NELL1: variants seen among roughly 807,000 people sequenced by gnomAD.
NELL1 encodes protein kinase C-binding protein NELL1.
A neutral mutation model predicts 107.4 loss-of-function variants in NELL1; 76 were observed. That is an observed-to-expected ratio of 0.71 (90% CI 0.59 to 0.86). NELL1 has a LOEUF of 0.86. Ranked by LOEUF, NELL1 falls within the 40% of genes least tolerant of loss-of-function variation. The probability of loss-of-function intolerance (pLI) is 0.00; values close to 1 mark genes in which losing one functional copy is unlikely to be tolerated. For synonymous variants in NELL1, 353 were observed against 341.2 expected, an observed-to-expected ratio of 1.03 and a Z score of -0.38; for missense variants, 1,024 against 1,005.5, an observed-to-expected ratio of 1.02 and a Z score of -0.25.
chr11:21,185,746 C>T (rs1293947568), intron 13 of NELL1, among the ~76,000 whole-genome samples: 1 of 151,792 alleles, frequency 6.6e-6, no homozygotes, highest in Non-Finnish European at 1.5e-5. Flanking sequence ...CAGTGTCTGT[C>T]ATACATAAAT....
chr11:21,108,109 T>C (rs1012445169), intron 12 of NELL1, among the ~76,000 whole-genome samples: 1 of 152,158 alleles, frequency 6.6e-6, no homozygotes, highest in Non-Finnish European at 1.5e-5. Context: ...CTTTCCTTTT[T>C]AAATGTACAC....
chr11:21,198,806 A>T (rs1301492317), intron 13 of NELL1, among the ~76,000 whole-genome samples: 1 of 152,082 alleles, frequency 6.6e-6, no homozygotes, highest in Non-Finnish European at 1.5e-5. Context: ...TAACTCCTAT[A>T]CAATCCTTTC....
intron 4 of NELL1, among the ~76,000 whole-genome samples, chr11:20,853,751 A>T (rs1390808188): frequency 1.3e-5 from 2 of 152,186 alleles, no homozygotes; most frequent in Non-Finnish European, 2.9e-5. Flanking sequence ...TCACTGAACA[A>T]TGTGAGATTT....
chr11:21,238,443 A>G (rs1289930894), intron 14 of NELL1, among the ~76,000 whole-genome samples: 1 of 152,066 alleles, frequency 6.6e-6, no homozygotes, highest in African/African-American at 2.4e-5. Flanking sequence ...ATGCAGTCAT[A>G]TATTGAAGAA....
chr11:20,834,016 G>A (rs1372822971), intron 3 of NELL1, among the ~76,000 whole-genome samples: 1 of 152,188 alleles, frequency 6.6e-6, no homozygotes. Flanking sequence ...GCTTGGAAGT[G>A]GGGGTGCTTG....
At chr11:21,209,917 T>C (rs1025486372) in intron 13 of NELL1, among the ~76,000 whole-genome samples, 1 of 152,172 alleles carries the variant, frequency 6.6e-6, no homozygotes, top group African/African-American at 2.4e-5. Flanking sequence ...CCTTGATAAC[T>C]ACTAATTTAC....
intron 2 of NELL1, among the ~76,000 whole-genome samples, chr11:20,761,306 C>T (rs148635722): frequency 6.6e-6 from 1 of 152,264 alleles, no homozygotes; most frequent in African/African-American, 2.4e-5. Context: ...AAGACTTGTT[C>T]TAGTGGATAC....
intron 14 of NELL1, among the ~76,000 whole-genome samples, chr11:21,285,791 A>G (rs1849102657): frequency 6.6e-6 from 1 of 152,252 alleles, no homozygotes; most frequent in African/African-American, 2.4e-5. Flanking sequence ...TGTGTATAAA[A>G]CAAAACAAAA....
intron 14 of NELL1, among the ~76,000 whole-genome samples, chr11:21,351,693 CT>C (rs1850819470): frequency 6.6e-6 from 1 of 152,118 alleles, no homozygotes; most frequent in Non-Finnish European, 1.5e-5. Flanking sequence ...CACATCTCCA[CT>C]TCCATCACAC....
At chr11:20,897,721 G>A (rs1849778128) in intron 5 of NELL1, among the ~76,000 whole-genome samples, 1 of 151,958 alleles carries the variant, frequency 6.6e-6, no homozygotes, top group African/African-American at 2.4e-5. Flanking sequence ...AAATTTACAA[G>A]AAAAAAACAA....
chr11:21,466,574 T>G (rs922104176), intron 15 of NELL1, among the ~76,000 whole-genome samples: 3 of 152,126 alleles, frequency 2.0e-5, no homozygotes, highest in African/African-American at 7.2e-5. Context: ...GTTTTAAAAC[T>G]TTTTTTAAAA....
At chr11:20,806,959 A>C (rs1857397766) in intron 3 of NELL1, among the ~76,000 whole-genome samples, 1 of 151,682 alleles carries the variant, frequency 6.6e-6, no homozygotes, top group Non-Finnish European at 1.5e-5. Flanking sequence ...GTTATCTTCA[A>C]TTTCTTTGAC....
intron 12 of NELL1, among the ~76,000 whole-genome samples, chr11:21,029,821 A>G (rs1267305182): frequency 6.6e-6 from 1 of 152,190 alleles, no homozygotes; most frequent in East Asian, 1.9e-4. Context: ...AATCCTCTCC[A>G]ATCCTCTTTC....
intron 12 of NELL1, among the ~76,000 whole-genome samples, chr11:21,091,561 A>AATTTTG (rs1854521700): frequency 6.6e-6 from 1 of 152,148 alleles, no homozygotes; most frequent in Admixed American, 6.5e-5. Flanking sequence ...CCATGCTTCT[A>AATTTTG]ATTTTGATTT....
At chr11:21,539,561 C>T (rs576068506) in intron 16 of NELL1, among the ~76,000 whole-genome samples, 3 of 151,564 alleles carry the variant, frequency 2.0e-5, no homozygotes, top group Admixed American at 1.3e-4. Context: ...ACGATCTTCC[C>T]CTGGAGTTTG....
chr11:20,840,230 G>A (rs1370273997), intron 3 of NELL1, among the ~76,000 whole-genome samples: 1 of 152,056 alleles, frequency 6.6e-6, no homozygotes, highest in Non-Finnish European at 1.5e-5. Flanking sequence ...TGGTTATCTG[G>A]CCAATGACCC....
chr11:20,703,080 A>C (rs1854840626), intron 2 of NELL1, among the ~76,000 whole-genome samples: 1 of 152,280 alleles, frequency 6.6e-6, no homozygotes, highest in African/African-American at 2.4e-5. Flanking sequence ...AAGGAATGGT[A>C]CCAGCTCTTG....
At chr11:20,790,136 G>A (rs1857045071) in intron 3 of NELL1, among the ~76,000 whole-genome samples, 2 of 152,162 alleles carry the variant, frequency 1.3e-5, no homozygotes, top group Admixed American at 6.5e-5. Context: ...GGCCCTCCCT[G>A]GCCTGAAGGC....
chr11:21,425,808 A>G (rs912877842), intron 15 of NELL1, among the ~76,000 whole-genome samples: 2 of 152,218 alleles, frequency 1.3e-5, no homozygotes, highest in African/African-American at 4.8e-5. Context: ...TTTGTTTGTG[A>G]TAATGTTGGG....
Sources: gnomAD v4.1 joint callset for allele counts (sites outside exome capture counted in the v4.1 genomes callset) on GRCh38, gnomAD v4.1.1 for gene constraint, MANE v1.5 for transcripts, NCBI Gene and HGNC (gene_info 2026-07-23, HGNC 2026-07-21) for gene names.